The following NFIB variants were observed in gnomAD, a reference collection of about 807,000 sequenced individuals.
NFIB encodes nuclear factor 1 B-type.
NFIB carries 11 observed loss-of-function variants against 61.5 expected under a neutral mutation model. That is an observed-to-expected ratio of 0.18 (90% CI 0.11 to 0.30). The LOEUF is 0.30. Ranked by LOEUF, NFIB falls within the 10% of genes least tolerant of loss-of-function variation. The pLI, the probability that NFIB is intolerant of heterozygous loss-of-function variation, is 1.00. For synonymous variants in NFIB, 260 were observed against 216.5 expected (o/e 1.20, Z -1.76); for missense variants, 471 against 608.9 (o/e 0.77, Z 2.38).
intron 1 of NFIB, among the ~76,000 whole-genome samples, chr9:14,385,299 T>C (rs2061536942): frequency 6.6e-6 from 1 of 152,158 alleles, no homozygotes; most frequent in African/African-American, 2.4e-5. Flanking sequence ...AGCCCCACAG[T>C]CCATCTATTT....
At chr9:14,374,696 G>A (rs899312171) in intron 1 of NFIB, among the ~76,000 whole-genome samples, 4 of 152,142 alleles carry the variant, frequency 2.6e-5, no homozygotes, top group Non-Finnish European at 4.4e-5. Flanking sequence ...GATCACTTGC[G>A]GTCGGGAGTT....
the NFIB span, among the ~76,000 whole-genome samples, chr9:14,444,577 T>C: frequency 2.0e-5 from 3 of 152,312 alleles, no homozygotes. Flanking sequence ...TTTGTTTTCA[T>C]GATTAGATGT....
the NFIB span, among the ~76,000 whole-genome samples, chr9:14,514,880 T>C: frequency 1.3e-5 from 2 of 152,088 alleles, no homozygotes; most frequent in Non-Finnish European, 2.9e-5. Flanking sequence ...GGGCATCTTA[T>C]AAAATGACCT....
chr9:14,341,312 T>C (rs1383933982), intron 1 of NFIB, among the ~76,000 whole-genome samples: 2 of 151,868 alleles, frequency 1.3e-5, no homozygotes, highest in African/African-American at 2.4e-5. Flanking sequence ...TGCGTGGGAG[T>C]TGAAATCTGC....
Position 14,164,732 on chromosome 9 carries a change from G to A in NFIB, c.617-8839C>T, listed in dbSNP as rs577694235. 1.7e-3 allele frequency among the ~76,000 whole-genome samples: 255 copies of A among 152,278 alleles called. 2 individuals are homozygous for A. Among genetic ancestry groups the A allele is most frequent in the Non-Finnish European group, 2.7e-3 (184 of 67,996 alleles). On this transcript the variant is annotated intron_variant, in intron 3 of 10. Transcript: ENST00000380953. ...AATTGAGCAGAGAAGTGTAAAACCTGAGTGGACCGATTATCCTAGTGTAGT... is the reference window on the plus strand; with the variant it reads ...AATTGAGCAGAGAAGTGTAAAACCTAAGTGGACCGATTATCCTAGTGTAGT...
intron 10 of NFIB, among the ~76,000 whole-genome samples, chr9:14,091,194 A>G (rs1203087075): frequency 6.6e-6 from 1 of 151,900 alleles, no homozygotes; most frequent in Non-Finnish European, 1.5e-5. Flanking sequence ...TCTTATTGCC[A>G]ATTTAAGTTC....
chr9:14,104,195 G>A (rs1000343370), intron 10 of NFIB, among the ~76,000 whole-genome samples: 15 of 152,080 alleles, frequency 9.9e-5, no homozygotes, highest in African/African-American at 3.6e-4. Flanking sequence ...TTACAGGTGT[G>A]AGCCACGGGT....
chr9:14,157,315 T>C (rs1316619636), intron 3 of NFIB, among the ~76,000 whole-genome samples: 1 of 152,078 alleles, frequency 6.6e-6, no homozygotes, highest in Admixed American at 6.6e-5. Flanking sequence ...TTTTCAACCA[T>C]ACATAGCATG....
chr9:14,282,120 A>G (rs995899759), intron 2 of NFIB, among the ~76,000 whole-genome samples: 1 of 152,222 alleles, frequency 6.6e-6, no homozygotes, highest in African/African-American at 2.4e-5. Flanking sequence ...CTGCTACTAT[A>G]TAAATTGGAT....
intron 1 of NFIB, chr9:14,308,068 G>A (rs1306440266): frequency 2.6e-5 from 4 of 152,190 alleles, no homozygotes; most frequent in Admixed American, 1.3e-4. Context: ...CACAGTTCCC[G>A]CTTTTGGAGC....
the NFIB span, among the ~76,000 whole-genome samples, chr9:14,493,589 C>T: frequency 3.9e-5 from 6 of 152,264 alleles, no homozygotes; most frequent in East Asian, 1.2e-3. Context: ...ATAATTGCTT[C>T]ATCTGTTCAA....
the NFIB span, among the ~76,000 whole-genome samples, chr9:14,486,035 A>G: frequency 3.3e-5 from 5 of 152,236 alleles, no homozygotes; most frequent in Non-Finnish European, 7.3e-5. Context: ...GGACACACAC[A>G]GAACACACAC....
chr9:14,406,360 ATG>A, the NFIB span, among the ~76,000 whole-genome samples: 1 of 152,062 alleles, frequency 6.6e-6, no homozygotes, highest in East Asian at 1.9e-4. Flanking sequence ...TCTAGAAGGG[ATG>A]TGTTGGGGAG....
chr9:14,462,679 A>C, the NFIB span, among the ~76,000 whole-genome samples: 674 of 152,280 alleles, frequency 4.4e-3, 9 homozygotes, highest in African/African-American at 0.015. Context: ...TCTGGGTTTT[A>C]GAGTTCTTAG....
At chr9:14,466,227 A>G in the NFIB span, among the ~76,000 whole-genome samples, 1 of 152,226 alleles carries the variant, frequency 6.6e-6, no homozygotes, top group Non-Finnish European at 1.5e-5. Context: ...TATCTTCAGC[A>G]GCTCAAATGA....
Position 14,262,468 on chromosome 9 carries a change from T to C in NFIB, c.562+44521A>G, listed in dbSNP as rs542964960. ...GCAGCTATGATGTAATGTATCATTT[T>C]TGACTGATCCAAATTATGGAATGAA... On this transcript the variant is annotated intron_variant, in intron 2 of 10. Transcript: ENST00000380953. Among the ~76,000 whole-genome samples, 18 of 152,354 alleles carry C rather than the reference T, an allele frequency of 1.2e-4. No individual in the cohort carries two copies. In the East Asian group the frequency reaches 1.9e-3, roughly 16 times the overall value.
At chr9:14,112,962 G>A (rs753033748) in intron 10 of NFIB, 37 bp downstream of exon 10, 135 of 1,541,926 alleles carry the variant, frequency 8.8e-5, no homozygotes, top group Admixed American at 1.2e-4. Context: ...AAGCGAAAGC[G>A]TGGCTACACC....
chr9:14,113,006 T>C lies in NFIB; in HGVS notation c.1460A>G (p.Gln487Arg). The C allele has an allele frequency of 6.5e-7, 1 of 1,550,194 alleles. No individual in the cohort carries two copies. Among genetic ancestry groups the C allele is most frequent in the Non-Finnish European group, 8.7e-7 (1 of 1,146,792 alleles). ...TGGGTGAAACTTGCCCACCTGTTGC[T>C]GATGTAGGAAGGATGGGTCTCTTGG... ...LSPRDPSFLH[Q>R]QQSWYLG is the part of the protein sequence containing the mutation. Residue 487 changes from glutamine (Q) to arginine (R), a missense_variant, in exon 10 of 11, where the codon CAG becomes CGG. Gln to Arg is a conservative substitution (Grantham distance 43). Coordinates refer to ENST00000380953, the MANE Select transcript of NFIB (RefSeq NM_001190737.2).
At chr9:14,198,125 G>T (rs2048651445) in intron 2 of NFIB, among the ~76,000 whole-genome samples, 1 of 152,098 alleles carries the variant, frequency 6.6e-6, no homozygotes, top group African/African-American at 2.4e-5. Flanking sequence ...TTCCTCAAAT[G>T]GAATTTTTTC....
Sources: allele counts gnomAD v4.1 joint callset (sites outside exome capture counted in the v4.1 genomes callset), GRCh38; gene constraint gnomAD v4.1.1; transcripts MANE v1.5; gene names NCBI Gene and HGNC (gene_info 2026-07-23, HGNC 2026-07-21).